CCDC181: variants seen among roughly 807,000 people sequenced by gnomAD.
CCDC181 encodes the protein coiled-coil domain-containing protein 181.
A neutral mutation model predicts 58.7 loss-of-function variants in CCDC181; 35 were observed. That is an observed-to-expected ratio of 0.60 (90% confidence interval 0.46 to 0.79). The LOEUF (loss-of-function observed/expected upper bound fraction) is 0.79, where lower values mean the gene tolerates loss of function less well. Among genes scored for constraint, CCDC181 ranks in the 30% least tolerant of loss-of-function variants. CCDC181 has a pLI of 0.00. For synonymous variants in CCDC181, 183 were observed against 197.5 expected, an observed-to-expected ratio of 0.93 and a Z score of 0.62; for missense variants, 517 against 583.9, an observed-to-expected ratio of 0.89 and a Z score of 1.18.
Position 169,397,241 on chromosome 1 carries a change from TA to T in CCDC181, c.1365del (p.Phe455LeufsTer5). 1.3e-6 allele frequency: 2 copies of T among 1,597,498 alleles called. No individual in the cohort carries two copies. Among genetic ancestry groups the T allele is most frequent in the Non-Finnish European group, 1.7e-6 (2 of 1,173,814 alleles). On this transcript the variant is annotated frameshift_variant, in exon 5 of 6. Coordinates refer to ENST00000367806, the MANE Select transcript of CCDC181 (RefSeq NM_001300969.2). LOFTEE classifies it high-confidence loss of function. ...LKGTEGRERA[F>X]KQWLRRKRME... ...AATGCCCTGCCTTTAACTTACTGTT[TA>T]AAGGCCCTTTCCCGGCCTTCTGTTC...
intron 1 of CCDC181, among the ~76,000 whole-genome samples, chr1:169,425,331 A>G (rs1316169144): frequency 6.6e-6 from 1 of 152,144 alleles, no homozygotes; most frequent in African/African-American, 2.4e-5. Flanking sequence ...TTATTACTGA[A>G]TAATAACTGT....
At chr1:169,424,347 G>A (rs549453368) in intron 2 of CCDC181, among the ~76,000 whole-genome samples, 11 of 151,782 alleles carry the variant, frequency 7.2e-5, no homozygotes, top group Admixed American at 3.3e-4. Context: ...TATATTCATT[G>A]CCAAGAAGAG....
chr1:169,410,318 G>T (rs1655895936), intron 4 of CCDC181, among the ~76,000 whole-genome samples: 1 of 151,998 alleles, frequency 6.6e-6, no homozygotes, highest in Non-Finnish European at 1.5e-5. Context: ...ATCGTAAAGG[G>T]ATCAATGCAA....
Position 169,397,342 on chromosome 1 carries a change from T to C in CCDC181, c.1265A>G (p.Lys422Arg). Residue 422 changes from lysine to arginine, a missense_variant, in exon 5 of 6, where the codon AAG becomes AGG. Coordinates refer to ENST00000367806, the MANE Select transcript of CCDC181 (RefSeq NM_001300969.2). ...QQAFRLWLKK[K>R]HEEQMKERQT... Reference sequence around the variant, plus strand: ...TCTTTCTTTCATCTGCTCTTCGTGCTTTTTTTTAAGCCATAATCGAAAAGC... The same window carrying C: ...TCTTTCTTTCATCTGCTCTTCGTGCCTTTTTTTAAGCCATAATCGAAAAGC... The C allele has an allele frequency of 1.3e-6, 2 of 1,599,714 alleles. No homozygotes were observed. Among genetic ancestry groups the C allele is most frequent in the Non-Finnish European group, 1.7e-6 (2 of 1,172,402 alleles).
chr1:169,405,028 G>A (rs1348214148), intron 4 of CCDC181, among the ~76,000 whole-genome samples: 1 of 152,104 alleles, frequency 6.6e-6, no homozygotes, highest in Non-Finnish European at 1.5e-5. Context: ...GACAAACAGA[G>A]AGCCAAATCA....
chr1:169,404,611 C>A (rs1268001170), intron 4 of CCDC181, among the ~76,000 whole-genome samples: 2 of 152,160 alleles, frequency 1.3e-5, no homozygotes, highest in South Asian at 2.1e-4. Flanking sequence ...AATTCAACAG[C>A]CCTTTATCCT....
chr1:169,405,608 A>G (rs1655603826), intron 4 of CCDC181, among the ~76,000 whole-genome samples: 1 of 152,264 alleles, frequency 6.6e-6, no homozygotes, highest in Non-Finnish European at 1.5e-5. Flanking sequence ...AGCCATATGT[A>G]GAAAGCTGAA....
rs1337283477 is a variant in CCDC181 at position 169,449,328 on chromosome 1, G to T, written c.-24+10469C>A. On this transcript the variant is annotated intron_variant, in intron 2 of 6. Coordinates refer to the CCDC181 transcript ENST00000545005. ...TGGGTTGTATTTGATGTTTGCTGAA[G>T]TTGCACATGCCATAAGCTTCCAATT... Among the ~76,000 whole-genome samples the T allele has an allele frequency of 3.3e-5, 5 of 152,256 alleles. 1 individual carries two copies. The highest frequency in any genetic ancestry group is 1.2e-4 in the African/African-American group (5 of 41,536).
intron 2 of CCDC181, among the ~76,000 whole-genome samples, chr1:169,459,342 C>T (rs1307706458): frequency 6.6e-5 from 10 of 152,172 alleles, no homozygotes; most frequent in Non-Finnish European, 1.2e-4. Context: ...GAAATGATTT[C>T]TCGAGATGAT....
At chr1:169,438,024 G>A (rs962523688) in intron 2 of CCDC181, among the ~76,000 whole-genome samples, 6 of 151,994 alleles carry the variant, frequency 3.9e-5, no homozygotes, top group African/African-American at 1.4e-4. Context: ...TTGGTTTCAC[G>A]GACCTGCAGC....
intron 3 of CCDC181, among the ~76,000 whole-genome samples, chr1:169,420,951 A>G (rs770950259): frequency 2.0e-5 from 3 of 152,228 alleles, no homozygotes; most frequent in Non-Finnish European, 4.4e-5. Flanking sequence ...ACACATGCAA[A>G]TAAAAGAATT....
At chr1:169,408,661 C>G (rs531775818) in intron 4 of CCDC181, among the ~76,000 whole-genome samples, 1 of 152,236 alleles carries the variant, frequency 6.6e-6, no homozygotes, top group South Asian at 2.1e-4. Context: ...GGAGAGTGCC[C>G]CTCTGGGACA....
intron 2 of CCDC181, among the ~76,000 whole-genome samples, chr1:169,455,463 G>A (rs1182308380): frequency 2.6e-5 from 4 of 152,020 alleles, no homozygotes; most frequent in Admixed American, 2.6e-4. Context: ...TAACAATTTA[G>A]TATCATACTG....
chr1:169,406,521 A>T (rs924835064), intron 4 of CCDC181, among the ~76,000 whole-genome samples: 7 of 152,216 alleles, frequency 4.6e-5, no homozygotes, highest in African/African-American at 1.4e-4. Context: ...GCTGGAGACC[A>T]TCATTCTGAG....
At chr1:169,426,539 G>T (rs1656720420) in intron 1 of CCDC181, among the ~76,000 whole-genome samples, 1 of 152,104 alleles carries the variant, frequency 6.6e-6, no homozygotes, top group African/African-American at 2.4e-5. Flanking sequence ...GTGAACTGCC[G>T]ATCTTTCAGT....
chr1:169,413,563 T>G (rs887130457), intron 4 of CCDC181, among the ~76,000 whole-genome samples: 1 of 152,184 alleles, frequency 6.6e-6, no homozygotes, highest in Non-Finnish European at 1.5e-5. Context: ...TAAAGACACA[T>G]GCACATGTAT....
upstream of CCDC181, among the ~76,000 whole-genome samples, chr1:169,431,216 T>G (rs1037646721): frequency 6.6e-6 from 1 of 152,222 alleles, no homozygotes; most frequent in Non-Finnish European, 1.5e-5. Context: ...CTGAATTAAT[T>G]TATCAGTTCT....
intron 2 of CCDC181, among the ~76,000 whole-genome samples, chr1:169,458,921 A>G (rs1657755439): frequency 6.6e-6 from 1 of 151,962 alleles, no homozygotes. Flanking sequence ...CAAACGTCCT[A>G]TTAACTTCTT....
chr1:169,449,953 G>A (rs1657489628), intron 2 of CCDC181, among the ~76,000 whole-genome samples: 3 of 152,214 alleles, frequency 2.0e-5, no homozygotes, highest in Middle Eastern at 3.4e-3. Flanking sequence ...ACTTCCTAAG[G>A]ACTCCTCTTC....
Sources: allele counts gnomAD v4.1 joint callset (sites outside exome capture counted in the v4.1 genomes callset), GRCh38; gene constraint gnomAD v4.1.1; transcripts MANE v1.5; gene names NCBI Gene and HGNC (gene_info 2026-07-23, HGNC 2026-07-21).